The following RBM20 variants were observed in gnomAD, a reference collection of about 807,000 sequenced individuals.
RBM20 encodes the protein RNA-binding protein 20.
A neutral mutation model predicts 110.1 loss-of-function variants in RBM20; 51 were observed. The ratio of observed to expected loss-of-function variants is 0.46; its 90% CI spans 0.37 to 0.59. The LOEUF (loss-of-function observed/expected upper bound fraction) is 0.59. Among genes scored for constraint, RBM20 ranks in the 20% least tolerant of loss-of-function variants. The pLI, the probability that RBM20 is intolerant of heterozygous loss-of-function variation, is 0.00. For missense variants in RBM20, 1,512 were observed against 1,574.9 expected (o/e 0.96, Z 0.68); for synonymous variants, 589 against 618.2 (o/e 0.95, Z 0.70).
At chr10:110,772,745 G>A (rs1277980498) in intron 1 of RBM20, among the ~76,000 whole-genome samples, 3 of 152,186 alleles carry the variant, frequency 2.0e-5, no homozygotes, top group African/African-American at 7.2e-5. Context: ...TTCTTTAAAA[G>A]CACTCCCAGG....
intron 1 of RBM20, among the ~76,000 whole-genome samples, chr10:110,719,233 C>T (rs535028886): frequency 6.6e-5 from 10 of 152,376 alleles, no homozygotes; most frequent in East Asian, 5.8e-4. Context: ...TCACCAACAC[C>T]GAAGGTGAGC....
rs1036347712 is a variant in RBM20 at position 110,795,265 on chromosome 10, C to T, written c.1528-2243C>T. On this transcript the variant is annotated intron_variant, in intron 5 of 13. Transcript: ENST00000369519. ...TGCTTCTTAATAGCACTCCTCCTTT[C>T]GTTTCTGCAGAAGGGTTCAGTCCTC... Among the ~76,000 whole-genome samples the T allele has an allele frequency of 5.3e-5, 8 of 152,328 alleles. No individual in the cohort carries two copies. In the South Asian group the frequency reaches 8.3e-4, roughly 16 times the overall value.
intron 1 of RBM20, among the ~76,000 whole-genome samples, chr10:110,645,511 C>T (rs1861856491): frequency 6.6e-6 from 1 of 152,152 alleles, no homozygotes; most frequent in Non-Finnish European, 1.5e-5. Flanking sequence ...CGCACCTCTG[C>T]GAAACTGACA....
At chr10:110,745,866 A>G (rs769074144) in intron 1 of RBM20, among the ~76,000 whole-genome samples, 7 of 152,236 alleles carry the variant, frequency 4.6e-5, no homozygotes, top group Non-Finnish European at 8.8e-5. Context: ...TGCCCTGCCT[A>G]GTAATCTAGT....
At chr10:110,755,210 C>T (rs1843906942) in intron 1 of RBM20, among the ~76,000 whole-genome samples, 2 of 152,148 alleles carry the variant, frequency 1.3e-5, no homozygotes, top group African/African-American at 4.8e-5. Flanking sequence ...GAGGGTGTGG[C>T]CCTTTGGGAC....
At chr10:110,767,778 G>A (rs1334637577) in intron 1 of RBM20, among the ~76,000 whole-genome samples, 1 of 152,114 alleles carries the variant, frequency 6.6e-6, no homozygotes, top group Non-Finnish European at 1.5e-5. Flanking sequence ...GATGGCAGCC[G>A]AGAAGAGGCG....
At chr10:110,687,806 A>G (rs1862525827) in intron 1 of RBM20, among the ~76,000 whole-genome samples, 1 of 152,206 alleles carries the variant, frequency 6.6e-6, no homozygotes, top group Non-Finnish European at 1.5e-5. Flanking sequence ...CAATTGTGTC[A>G]TTGCTGCTTT....
At chr10:110,754,050 A>G (rs1843892457) in intron 1 of RBM20, among the ~76,000 whole-genome samples, 1 of 152,218 alleles carries the variant, frequency 6.6e-6, no homozygotes, top group African/African-American at 2.4e-5. Context: ...CTTTTTTGCC[A>G]TATGAGGTAA....
chr10:110,710,248 C>A (rs955032503), intron 1 of RBM20, among the ~76,000 whole-genome samples: 1 of 152,152 alleles, frequency 6.6e-6, no homozygotes, highest in African/African-American at 2.4e-5. Context: ...TTTCGCGCAA[C>A]AAGCTGGTGG....
At chr10:110,823,416 A>C (rs1844939432) in intron 11 of RBM20, 64 bp from the exon 12 acceptor site, 1 of 1,487,154 alleles carries the variant, frequency 6.7e-7, no homozygotes. Context: ...GGACTCTTTG[A>C]GGCATGTTGT....
chr10:110,755,587 G>C (rs1055444863), intron 1 of RBM20, among the ~76,000 whole-genome samples: 1 of 152,092 alleles, frequency 6.6e-6, no homozygotes, highest in African/African-American at 2.4e-5. Flanking sequence ...TGTGTCTTTA[G>C]GAAATTTAGA....
intron 1 of RBM20, among the ~76,000 whole-genome samples, chr10:110,717,438 T>C (rs1863035994): frequency 6.6e-6 from 1 of 152,150 alleles, no homozygotes; most frequent in African/African-American, 2.4e-5. Context: ...TGGAATGTGA[T>C]GGGTTTACTG....
chr10:110,645,261 C>T (rs952850117), intron 1 of RBM20, among the ~76,000 whole-genome samples: 3 of 152,110 alleles, frequency 2.0e-5, no homozygotes, highest in African/African-American at 7.2e-5. Context: ...GGTCGGCCTT[C>T]CCAATGCTTG....
At chr10:110,796,822 A>G (rs1844556399) in intron 5 of RBM20, among the ~76,000 whole-genome samples, 1 of 152,186 alleles carries the variant, frequency 6.6e-6, no homozygotes, top group Admixed American at 6.5e-5. Flanking sequence ...TTTCAATTTT[A>G]TGATTGAGCC....
rs144764847 is a variant in RBM20 at position 110,721,943 on chromosome 10, A to T, written c.192-58858A>T. On this transcript the variant is annotated intron_variant, in intron 1 of 13. Coordinates refer to ENST00000369519, the MANE Select transcript of RBM20 (RefSeq NM_001134363.3). ...GCATACTGGGGTGTCAGGGGCAGAG[A>T]TTTATCTCCTCTCCCAGTTGGAGAG... 5.9e-3 allele frequency among the ~76,000 whole-genome samples: 890 copies of T among 152,024 alleles called. 11 individuals carry two copies. The highest frequency in any genetic ancestry group is 0.02 in the African/African-American group (846 of 41,434).
chr10:110,644,398 C>A lies in RBM20; in HGVS notation c.-57C>A, dbSNP rs1590590741. ...CCCCGGCCAGTGAGCGCCCGTGGCC[C>A]GGGACCGCCCCTCCCTTGAGCTCTC... On this transcript the variant is annotated 5_prime_UTR_variant, in exon 1 of 14. Coordinates refer to ENST00000369519, the MANE Select transcript of RBM20 (RefSeq NM_001134363.3). The surrounding 1 kb of genome is among the most constrained non-coding windows in gnomAD (Gnocchi z 4.3). 1.5e-6 allele frequency: 2 copies of A among 1,348,566 alleles called. No homozygotes were observed. The highest frequency in any genetic ancestry group is 1.7e-5 in the South Asian group (1 of 59,206). 83.5% of individuals were successfully genotyped at this position (1,348,566 alleles called of 1,614,324 possible).
chr10:110,695,042 A>G (rs1007020769), intron 1 of RBM20, among the ~76,000 whole-genome samples: 3 of 152,138 alleles, frequency 2.0e-5, no homozygotes, highest in African/African-American at 2.4e-5. Context: ...AATTTTTCAG[A>G]TATTGTCACT....
chr10:110,756,436 T>A (rs1843921982), intron 1 of RBM20: 1 of 152,304 alleles, frequency 6.6e-6, no homozygotes, highest in African/African-American at 2.4e-5. Context: ...AAGCTGAGAT[T>A]TAGAGGAGCC....
In RBM20 at chr10:110,812,715, A is replaced by G. The variant is rs181769913; in HGVS notation, c.2318A>G (p.Lys773Arg). 968 of 1,551,762 alleles carry G rather than the reference A, an allele frequency of 6.2e-4. 5 individuals are homozygous for G. The African/African-American group carries it at 9.8e-3, about 16-fold the overall frequency. ...EPKAKSDKYLKQQQDAPGRSR... is the reference protein window; with the variant it reads ...EPKAKSDKYLRQQQDAPGRSR... ...AAAGCCAAGTCGGACAAGTATCTGA[A>G]GCAGCAGCAGGATGCCCCCGGGAGG... Residue 773 changes from lysine to arginine, a missense_variant, in exon 9 of 14, where the codon AAG becomes AGG. By Grantham distance (26) the Lys-to-Arg change is conservative (BLOSUM62 2). Coordinates refer to ENST00000369519, the MANE Select transcript of RBM20 (RefSeq NM_001134363.3).
Sources: allele counts gnomAD v4.1 joint callset (sites outside exome capture counted in the v4.1 genomes callset), GRCh38; gene constraint gnomAD v4.1.1; non-coding constraint Gnocchi (gnomAD v3.1); transcripts MANE v1.5; gene names NCBI Gene and HGNC (gene_info 2026-07-23, HGNC 2026-07-21).